Variants in ZNF423 observed in about 807,000 individuals in gnomAD.
ZNF423 encodes zinc finger protein 423, also known as Ebf-associated zinc finger protein.
Under a neutral mutation model 95.8 loss-of-function variants are expected in ZNF423, and 12 were observed. That is an observed-to-expected ratio of 0.13 (90% CI 0.08 to 0.20). The LOEUF (loss-of-function observed/expected upper bound fraction) is 0.20, where lower values mean the gene tolerates loss of function less well. Among genes scored for constraint, ZNF423 ranks in the 10% least tolerant of loss-of-function variants. The probability of loss-of-function intolerance (pLI) is 1.00; values close to 1 mark genes in which losing one functional copy is unlikely to be tolerated. For synonymous variants in ZNF423, 749 were observed against 711.9 expected, an observed-to-expected ratio of 1.05 and a Z score of -0.83; for missense variants, 1,316 against 1,737.1, an observed-to-expected ratio of 0.76 and a Z score of 4.31.
Position 49,702,327 on chromosome 16 carries a change from G to A in ZNF423, c.301+28444C>T, listed in dbSNP as rs528816537. Among the ~76,000 whole-genome samples, 11 of 152,308 alleles carry A rather than the reference G, an allele frequency of 7.2e-5. 1 individual carries two copies. The South Asian group carries it at 1.7e-3, about 23-fold the overall frequency. Reference sequence around the variant, plus strand: ...AGGGGAGGCCAAGGCAGCCAGGGACGGGAGAAGTGTTCTCCAAATCAGCAG... The same window carrying A: ...AGGGGAGGCCAAGGCAGCCAGGGACAGGAGAAGTGTTCTCCAAATCAGCAG... On this transcript the variant is annotated intron_variant, in intron 3 of 7. Coordinates refer to ENST00000563137, the MANE Select transcript of ZNF423 (RefSeq NM_001379286.1).
chr16:49,648,281 C>T (rs2151900213), intron 3 of ZNF423, among the ~76,000 whole-genome samples: 1 of 152,272 alleles, frequency 6.6e-6, no homozygotes, highest in South Asian at 2.1e-4. Context: ...AAGTAGATTT[C>T]CAAGCAAACT....
intron 7 of ZNF423, among the ~76,000 whole-genome samples, chr16:49,494,305 C>T (rs925452905): frequency 6.6e-6 from 1 of 152,226 alleles, no homozygotes; most frequent in Non-Finnish European, 1.5e-5. Context: ...GATAAAACTT[C>T]CTTCCCTGAA....
intron 1 of ZNF423, among the ~76,000 whole-genome samples, chr16:49,841,936 C>T (rs1408711781): frequency 6.6e-6 from 1 of 152,150 alleles, no homozygotes; most frequent in Non-Finnish European, 1.5e-5. Flanking sequence ...AGTGACCCTT[C>T]AGAAGAAGAA....
chr16:49,703,080 A>C (rs2032241828), intron 3 of ZNF423, among the ~76,000 whole-genome samples: 1 of 152,210 alleles, frequency 6.6e-6, no homozygotes, highest in South Asian at 2.1e-4. Flanking sequence ...AGGCATGCAC[A>C]CGCCCGCATT....
chr16:49,511,280 C>G (rs1004683043), intron 7 of ZNF423, among the ~76,000 whole-genome samples: 7 of 152,192 alleles, frequency 4.6e-5, no homozygotes, highest in Admixed American at 4.6e-4. Context: ...TCCATGTCAC[C>G]CTCTAGAACG....
intron 7 of ZNF423, chr16:49,518,000 A>G (rs1411524536): frequency 1.6e-5 from 7 of 451,246 alleles, no homozygotes; most frequent in Non-Finnish European, 2.7e-5. Context: ...TTTCTACCGT[A>G]AGCTAAAATC....
intron 7 of ZNF423, among the ~76,000 whole-genome samples, chr16:49,497,400 C>A (rs1967206416): frequency 1.3e-5 from 2 of 152,188 alleles, no homozygotes; most frequent in Admixed American, 1.3e-4. Context: ...AACTCATAGA[C>A]CCTGAAGACC....
intron 3 of ZNF423, among the ~76,000 whole-genome samples, chr16:49,658,291 A>C (rs967631762): frequency 2.0e-5 from 3 of 151,810 alleles, no homozygotes; most frequent in Non-Finnish European, 2.9e-5. Flanking sequence ...GTGCCTGGCC[A>C]GAGGCAGGCA....
chr16:49,858,051 G>T (rs1431464886), upstream of ZNF423: 1 of 152,264 alleles, frequency 6.6e-6, no homozygotes, highest in Non-Finnish European at 1.5e-5. The surrounding 1 kb of genome is among the most constrained non-coding windows in gnomAD (Gnocchi z 4.3). Flanking sequence ...GCCACCTTGG[G>T]CCGGCGCGCC....
In ZNF423 at chr16:49,517,952, T is replaced by C. The variant is rs998288115; in HGVS notation, c.3849+5672A>G. The C allele has an allele frequency of 1.5e-5, 7 of 453,662 alleles. No homozygotes were observed. The East Asian group carries it at 2.1e-4, about 14-fold the overall frequency. The allele number at this position is 453,662 out of a possible 1,614,324, so 28.1% of individuals were successfully genotyped here. Reference sequence around the variant, plus strand: ...AAACTGATCAAAAGACCATTGTTTTTAGGAGCAGCACGTCGTTTTGGAAAC... The same window carrying C: ...AAACTGATCAAAAGACCATTGTTTTCAGGAGCAGCACGTCGTTTTGGAAAC... On this transcript the variant is annotated intron_variant, in intron 7 of 7. Coordinates refer to ENST00000563137, the MANE Select transcript of ZNF423 (RefSeq NM_001379286.1).
At chr16:49,720,921 G>C (rs557670375) in intron 3 of ZNF423, among the ~76,000 whole-genome samples, 3 of 152,320 alleles carry the variant, frequency 2.0e-5, no homozygotes, top group African/African-American at 4.8e-5. Flanking sequence ...CATCATGGGC[G>C]GGGGTGAGTC....
intron 3 of ZNF423, among the ~76,000 whole-genome samples, chr16:49,650,145 C>A (rs769086312): frequency 2.0e-5 from 3 of 152,232 alleles, no homozygotes; most frequent in Non-Finnish European, 4.4e-5. Context: ...TGACAGTGAA[C>A]AGCTGCCACC....
intron 3 of ZNF423, among the ~76,000 whole-genome samples, chr16:49,718,813 C>T (rs2032782735): frequency 6.6e-6 from 1 of 152,170 alleles, no homozygotes; most frequent in Non-Finnish European, 1.5e-5. Context: ...CTTCCAGAGC[C>T]TTCATGACCT....
intron 7 of ZNF423, among the ~76,000 whole-genome samples, chr16:49,513,112 GA>G (rs1365347021): frequency 2.0e-5 from 3 of 152,212 alleles, no homozygotes; most frequent in Admixed American, 6.5e-5. Context: ...AAATAAAAAA[GA>G]AAATAATGGG....
intron 5 of ZNF423, among the ~76,000 whole-genome samples, chr16:49,573,715 T>A (rs1292323072): frequency 6.6e-6 from 1 of 152,174 alleles, no homozygotes; most frequent in Non-Finnish European, 1.5e-5. Context: ...ACATGAAATT[T>A]GGGGGACACA....
Position 49,755,583 on chromosome 16 carries a change from G to A in ZNF423, c.101-24612C>T, listed in dbSNP as rs13338840. Among the ~76,000 whole-genome samples the A allele has an allele frequency of 4.1e-3, 617 of 152,294 alleles. 6 individuals are homozygous for A. Among genetic ancestry groups the A allele is most frequent in the African/African-American group, 0.014 (594 of 41,568 alleles). On this transcript the variant is annotated intron_variant, in intron 2 of 7. Coordinates refer to ENST00000563137, the MANE Select transcript of ZNF423 (RefSeq NM_001379286.1). ...ATTAAGCCTGTGACGAGTTGAGTTG[G>A]AGAGAAATTAGATTTATTTACACGC...
Position 49,589,967 on chromosome 16 carries a change from C to A in ZNF423, c.3601+36203G>T, listed in dbSNP as rs571239425. On this transcript the variant is annotated intron_variant, in intron 5 of 7. Transcript: ENST00000563137. ...AAAAGCATGCAAAGGTTGTGAAATT[C>A]CAACGAGTCTTGAGTCTTGTGCTGG... is the stretch of plus-strand genomic sequence containing the variant. Among the ~76,000 whole-genome samples, 237 of 149,296 alleles carry A rather than the reference C, an allele frequency of 1.6e-3. 2 individuals carry two copies. The highest frequency in any genetic ancestry group is 5.5e-3 in the African/African-American group (224 of 40,448).
intron 1 of ZNF423, among the ~76,000 whole-genome samples, chr16:49,796,828 A>G (rs1415126418): frequency 6.6e-6 from 1 of 152,190 alleles, no homozygotes; most frequent in East Asian, 1.9e-4. Flanking sequence ...ACAAAAGGGC[A>G]CTGTTCTGGG....
chr16:49,514,263 T>TACACACACAC (rs1567435630), intron 7 of ZNF423, among the ~76,000 whole-genome samples: 75 of 96,058 alleles, frequency 7.8e-4, no homozygotes, highest in Non-Finnish European at 1.9e-4. Flanking sequence ...CACACACACA[T>TACACACACAC]GCACATACAC....
Sources: gnomAD v4.1 joint callset for allele counts (sites outside exome capture counted in the v4.1 genomes callset) on GRCh38, gnomAD v4.1.1 for gene constraint, Gnocchi (gnomAD v3.1) non-coding constraint, MANE v1.5 for transcripts, NCBI Gene and HGNC (gene_info 2026-07-23, HGNC 2026-07-21) for gene names.